Variants in DAPK1 observed in about 807,000 individuals in gnomAD.
DAPK1 encodes death associated protein kinase 1.
DAPK1 carries 56 observed loss-of-function variants against 144.9 expected under a neutral mutation model. That is an observed-to-expected ratio of 0.39 (90% confidence interval 0.31 to 0.48). DAPK1 has a LOEUF of 0.48. DAPK1 is among the 20% of genes least tolerant of loss of function. The pLI is 0.95. For missense variants in DAPK1, 1,454 were observed against 1,875.4 expected (o/e 0.78, Z 4.15); for synonymous variants, 690 against 749.0 (o/e 0.92, Z 1.29).
intron 2 of DAPK1, among the ~76,000 whole-genome samples, chr9:87,574,167 T>C (rs1195135028): frequency 2.6e-5 from 4 of 152,200 alleles, no homozygotes; most frequent in African/African-American, 9.7e-5. Context: ...TCCTTGGATA[T>C]TGCACACCAT....
chr9:87,535,745 T>C (rs947515530), intron 2 of DAPK1, among the ~76,000 whole-genome samples: 11 of 152,210 alleles, frequency 7.2e-5, no homozygotes, highest in Admixed American at 2.0e-4. Flanking sequence ...ATATATATTA[T>C]TTTAAATAAA....
At chr9:87,621,291 T>A (rs1340977064) in intron 3 of DAPK1, among the ~76,000 whole-genome samples, 1 of 152,162 alleles carries the variant, frequency 6.6e-6, no homozygotes, top group Non-Finnish European at 1.5e-5. Flanking sequence ...CCCCATGCAA[T>A]ACCCAAAGGT....
intron 2 of DAPK1, among the ~76,000 whole-genome samples, chr9:87,562,011 A>C (rs1447860566): frequency 3.3e-5 from 5 of 152,180 alleles, no homozygotes; most frequent in Admixed American, 3.3e-4. Flanking sequence ...CTCATCATCC[A>C]GACTGGGCCA....
chr9:87,613,498 ACT>A (rs774066702), intron 3 of DAPK1, among the ~76,000 whole-genome samples: 1 of 152,202 alleles, frequency 6.6e-6, no homozygotes, highest in East Asian at 1.9e-4. Context: ...CAGTTGGCTC[ACT>A]CTCTCATAAC....
chr9:87,580,128 A>C (rs1287362033), intron 2 of DAPK1, among the ~76,000 whole-genome samples: 1 of 152,212 alleles, frequency 6.6e-6, no homozygotes, highest in African/African-American at 2.4e-5. Flanking sequence ...CAGTGGTTAC[A>C]GCAGATAAAG....
intron 2 of DAPK1, among the ~76,000 whole-genome samples, chr9:87,533,733 G>T (rs111812957): frequency 6.6e-6 from 1 of 152,168 alleles, no homozygotes; most frequent in African/African-American, 2.4e-5. Flanking sequence ...CGTGATCTGG[G>T]CTCACTGCAA....
intron 21 of DAPK1, among the ~76,000 whole-genome samples, chr9:87,693,029 A>G (rs1454322581): frequency 4.3e-5 from 5 of 116,326 alleles, no homozygotes; most frequent in African/African-American, 6.2e-5. Context: ...ACTTTTGACA[A>G]TTGGACTATA....
chr9:87,651,679 G>T lies in DAPK1; in HGVS notation c.1779G>T (p.Val593=). The change falls in exon 17 of 26, where the codon GTG becomes GTT. Residue 593 remains valine (V), a synonymous_variant. Transcript: ENST00000408954. ...GTAAAGATGGCAACATGCCTATCGT[G>T]GTGGCCCTCTGTGAAGCAAACTGCA... ...VACKDGNMPI[V]VALCEANCNL... is the part of the protein sequence containing the mutation. 1 of 1,614,184 alleles carries T rather than the reference G, an allele frequency of 6.2e-7. No homozygotes were observed. Among genetic ancestry groups the T allele is most frequent in the Non-Finnish European group, 8.5e-7 (1 of 1,180,030 alleles).
chr9:87,536,841 T>G (rs1412241278), intron 2 of DAPK1, among the ~76,000 whole-genome samples: 1 of 152,228 alleles, frequency 6.6e-6, no homozygotes, highest in Non-Finnish European at 1.5e-5. Context: ...TTATTCAAAA[T>G]TCAACAATGG....
At chr9:87,508,338 T>G (rs576300406) in intron 2 of DAPK1, among the ~76,000 whole-genome samples, 1 of 146,448 alleles carries the variant, frequency 6.8e-6, no homozygotes, top group African/African-American at 2.6e-5. Flanking sequence ...CTTAGAAAGA[T>G]TGTCAGGATT....
rs1023541039 is a variant in DAPK1, at chr9:87,566,914, A to G, written c.63-38040A>G. 4.3e-4 allele frequency among the ~76,000 whole-genome samples: 66 copies of G among 152,278 alleles called. 1 individual carries two copies. Among genetic ancestry groups the G allele is most frequent in the African/African-American group, 1.4e-3 (60 of 41,548 alleles). ...GGGTTTTGGCAGGTCCCTCCTTGCAATCACTATGGAAAGAGCATGAACTGA... is the reference window on the plus strand; with the variant it reads ...GGGTTTTGGCAGGTCCCTCCTTGCAGTCACTATGGAAAGAGCATGAACTGA... On this transcript the variant is annotated intron_variant, in intron 2 of 25. Coordinates refer to ENST00000408954, the MANE Select transcript of DAPK1 (RefSeq NM_004938.4).
intron 21 of DAPK1, among the ~76,000 whole-genome samples, chr9:87,696,176 C>CAT (rs995927302): frequency 5.3e-5 from 8 of 151,386 alleles, no homozygotes; most frequent in Non-Finnish European, 1.2e-4. Flanking sequence ...CAGACACACA[C>CAT]ACACACATTT....
chr9:87,505,654 C>T (rs542377456), intron 2 of DAPK1, among the ~76,000 whole-genome samples: 8 of 151,754 alleles, frequency 5.3e-5, no homozygotes, highest in East Asian at 2.0e-4. Context: ...CTCGGCCTCC[C>T]GAAGTGCTGG....
At chr9:87,599,954 T>TA (rs1340011926) in intron 2 of DAPK1, among the ~76,000 whole-genome samples, 1 of 152,212 alleles carries the variant, frequency 6.6e-6, no homozygotes, top group Non-Finnish European at 1.5e-5. Context: ...AACAGCACAT[T>TA]ACGCATGCCT....
chr9:87,505,723 T>C (rs1824562021), intron 2 of DAPK1, among the ~76,000 whole-genome samples: 1 of 151,876 alleles, frequency 6.6e-6, no homozygotes, highest in Non-Finnish European at 1.5e-5. Context: ...GAAGTCTTGC[T>C]CTGTTGCCCA....
chr9:87,602,887 C>T (rs550505966), intron 2 of DAPK1, among the ~76,000 whole-genome samples: 2 of 151,374 alleles, frequency 1.3e-5, no homozygotes, highest in South Asian at 4.2e-4. Flanking sequence ...CCACCTCGGC[C>T]TCCCAAAGCG....
intron 2 of DAPK1, among the ~76,000 whole-genome samples, chr9:87,566,760 G>T (rs998391112): frequency 1.3e-5 from 2 of 152,200 alleles, no homozygotes; most frequent in Non-Finnish European, 2.9e-5. Flanking sequence ...GGACACGTTG[G>T]TTGGACTCTT....
intron 4 of DAPK1, among the ~76,000 whole-genome samples, chr9:87,639,112 C>G (rs767929836): frequency 2.5e-4 from 38 of 152,126 alleles, no homozygotes; most frequent in Non-Finnish European, 3.4e-4. Context: ...TATCTCCTTT[C>G]TCTACCAAGT....
At chr9:87,605,234 C>A in intron 3 of DAPK1, 59 bp downstream of exon 3, 1 of 1,413,204 alleles carries the variant, frequency 7.1e-7, no homozygotes, top group Non-Finnish European at 1.0e-6. Context: ...CTGGCATCTT[C>A]GTTCCAGCTG....
Sources: allele counts gnomAD v4.1 joint callset (sites outside exome capture counted in the v4.1 genomes callset), GRCh38; gene constraint gnomAD v4.1.1; transcripts MANE v1.5; gene names NCBI Gene and HGNC (gene_info 2026-07-23, HGNC 2026-07-21).